The following MTHFD2L variants were observed in gnomAD, a reference collection of about 807,000 sequenced individuals.
MTHFD2L encodes the protein bifunctional methylenetetrahydrofolate dehydrogenase/cyclohydrolase 2, mitochondrial.
In MTHFD2L, 29 loss-of-function variants were observed where a neutral mutation model predicts 34.9. That is an observed-to-expected ratio of 0.83 (90% CI 0.62 to 1.13). The LOEUF (loss-of-function observed/expected upper bound fraction) is 1.13, where lower values mean the gene tolerates loss of function less well. MTHFD2L is among the 50% of genes most tolerant of loss of function. The pLI is 0.00. For missense variants in MTHFD2L, 481 were observed against 446.5 expected (o/e 1.08, Z -0.70); for synonymous variants, 167 against 155.7 (o/e 1.07, Z -0.54).
intron 3 of MTHFD2L, among the ~76,000 whole-genome samples, chr4:74,178,300 A>G (rs1163769472): frequency 6.6e-6 from 1 of 152,124 alleles, no homozygotes; most frequent in Admixed American, 6.6e-5. Flanking sequence ...TACATATGTC[A>G]AAACATTGTA....
At chr4:74,283,838 G>C (rs1297245604) in intron 7 of MTHFD2L, among the ~76,000 whole-genome samples, 2 of 152,126 alleles carry the variant, frequency 1.3e-5, no homozygotes, top group African/African-American at 4.8e-5. Context: ...CACAGGAGCA[G>C]GCAAGTGATA....
At chr4:74,122,083 T>C (rs1375356761), upstream of MTHFD2L, among the ~76,000 whole-genome samples, 1 of 149,190 alleles carries the variant, frequency 6.7e-6, no homozygotes, top group Non-Finnish European at 1.5e-5. Context: ...TCAGCAATTC[T>C]TTTTTTTTTC....
intron 6 of MTHFD2L, among the ~76,000 whole-genome samples, chr4:74,264,707 A>T (rs192900102): frequency 2.0e-5 from 3 of 152,188 alleles, no homozygotes; most frequent in Non-Finnish European, 2.9e-5. Flanking sequence ...ACTTAAAAAA[A>T]AAGACTTGAG....
intron 7 of MTHFD2L, among the ~76,000 whole-genome samples, chr4:74,298,320 C>G (rs1411790467): frequency 2.0e-5 from 3 of 151,976 alleles, no homozygotes; most frequent in African/African-American, 7.2e-5. Flanking sequence ...AGGTGAAGAC[C>G]TATTACCCCT....
chr4:74,160,154 C>T (rs567624691), intron 1 of MTHFD2L: 1 of 1,150,850 alleles, frequency 8.7e-7, no homozygotes, highest in African/African-American at 1.6e-5. Flanking sequence ...TATAATGACA[C>T]ATTAGTTGTC....
intron 2 of MTHFD2L, among the ~76,000 whole-genome samples, chr4:74,117,943 C>T (rs1425788456): frequency 6.6e-6 from 1 of 152,230 alleles, no homozygotes; most frequent in Non-Finnish European, 1.5e-5. Flanking sequence ...CTACATTTTA[C>T]TTGCCACTTC....
At chr4:74,295,538 C>G (rs962221117) in intron 7 of MTHFD2L, among the ~76,000 whole-genome samples, 1 of 152,148 alleles carries the variant, frequency 6.6e-6, no homozygotes, top group African/African-American at 2.4e-5. Flanking sequence ...ATATTAAACT[C>G]ACTTCATTAG....
chr4:74,266,043 G>C (rs1473036079), intron 6 of MTHFD2L, among the ~76,000 whole-genome samples: 1 of 152,184 alleles, frequency 6.6e-6, no homozygotes, highest in African/African-American at 2.4e-5. Context: ...GAACAGTTCA[G>C]TAATTTGATA....
chr4:74,278,642 T>C (rs1172438081), intron 6 of MTHFD2L, among the ~76,000 whole-genome samples: 2 of 152,108 alleles, frequency 1.3e-5, no homozygotes, highest in African/African-American at 4.8e-5. Flanking sequence ...TGGCCTCAGC[T>C]AAAGTGACTC....
intron 3 of MTHFD2L, among the ~76,000 whole-genome samples, chr4:74,176,188 C>G (rs1327669618): frequency 2.0e-5 from 3 of 152,004 alleles, no homozygotes; most frequent in Non-Finnish European, 4.4e-5. Flanking sequence ...CATTAAGTTC[C>G]TCTGGCTGCG....
At chr4:74,206,854 A>G (rs1364974917) in intron 5 of MTHFD2L, among the ~76,000 whole-genome samples, 2 of 152,164 alleles carry the variant, frequency 1.3e-5, no homozygotes, top group Non-Finnish European at 2.9e-5. Context: ...ACTAACTGTC[A>G]TAAGAGGATA....
Position 74,131,394 on chromosome 4 carries a change from C to T in MTHFD2L, c.-297+5877C>T, listed in dbSNP as rs181922826. ...ACTGGTAACAAAATAGATATACAGA[C>T]CAATGGAACAGAACATAGGCCTCAG... On this transcript the variant is annotated intron_variant, in intron 1 of 7. Transcript: ENST00000433372. 5.3e-5 allele frequency among the ~76,000 whole-genome samples: 8 copies of T among 152,238 alleles called. No individual in the cohort carries two copies. The East Asian group carries it at 1.5e-3, about 29-fold the overall frequency.
intron 1 of MTHFD2L, among the ~76,000 whole-genome samples, chr4:74,136,674 C>G (rs1050694691): frequency 1.3e-5 from 2 of 151,978 alleles, no homozygotes; most frequent in Non-Finnish European, 2.9e-5. Flanking sequence ...CAAAGCAATC[C>G]TGAACAAAAA....
chr4:74,180,248 G>A (rs569144106), intron 3 of MTHFD2L, among the ~76,000 whole-genome samples: 4 of 152,128 alleles, frequency 2.6e-5, no homozygotes, highest in Admixed American at 2.6e-4. Context: ...AGAATAAATG[G>A]AGCTCATTAG....
intron 1 of MTHFD2L, among the ~76,000 whole-genome samples, chr4:74,147,569 G>T (rs1723671569): frequency 6.6e-6 from 1 of 152,162 alleles, no homozygotes; most frequent in Non-Finnish European, 1.5e-5. Flanking sequence ...AATGCTTCCT[G>T]CAGGTTAAGT....
At chr4:74,118,017 A>G (rs116606702) in intron 2 of MTHFD2L, among the ~76,000 whole-genome samples, 5,426 of 152,328 alleles carry the variant, frequency 0.036, 154 homozygotes, top group Non-Finnish European at 0.047. Flanking sequence ...TCTTTCTTAT[A>G]TATCTTTCCC....
chr4:74,267,523 A>G (rs1050406796), intron 6 of MTHFD2L, among the ~76,000 whole-genome samples: 10 of 151,846 alleles, frequency 6.6e-5, no homozygotes, highest in African/African-American at 2.2e-4. Context: ...GGCTTAAGCA[A>G]TCTTCCCACC....
intron 3 of MTHFD2L, among the ~76,000 whole-genome samples, chr4:74,184,465 A>C (rs1730768938): frequency 6.6e-6 from 1 of 152,218 alleles, no homozygotes; most frequent in Non-Finnish European, 1.5e-5. Flanking sequence ...GTTTATCAAA[A>C]GTAAATAACA....
chr4:74,264,375 A>G (rs573326711), intron 6 of MTHFD2L, among the ~76,000 whole-genome samples: 1 of 152,098 alleles, frequency 6.6e-6, no homozygotes, highest in Non-Finnish European at 1.5e-5. Context: ...ACATAATGAC[A>G]TAATTATGAA....
Sources: gnomAD v4.1 joint callset for allele counts (sites outside exome capture counted in the v4.1 genomes callset) on GRCh38, gnomAD v4.1.1 for gene constraint, MANE v1.5 for transcripts, NCBI Gene and HGNC (gene_info 2026-07-23, HGNC 2026-07-21) for gene names.